The following MMP26 variants were observed in gnomAD, a reference collection of about 807,000 sequenced individuals.
The protein encoded by MMP26 is matrix metallopeptidase 26, also known as matrix metalloproteinase-26.
Under a neutral mutation model 31.0 loss-of-function variants are expected in MMP26, and 33 were observed. That is an observed-to-expected ratio of 1.06 (90% CI 0.81 to 1.42). The LOEUF (loss-of-function observed/expected upper bound fraction) is 1.42, where lower values mean the gene tolerates loss of function less well. Ranked by LOEUF, MMP26 falls within the 40% of genes most tolerant of loss-of-function variation. MMP26 has a pLI of 0.00. For synonymous variants in MMP26, 122 were observed against 114.9 expected (o/e 1.06, Z -0.40); for missense variants, 347 against 316.1 (o/e 1.10, Z -0.74).
At chr11:4,766,090 C>T (rs1293724313) in intron 1 of MMP26, among the ~76,000 whole-genome samples, 2 of 152,208 alleles carry the variant, frequency 1.3e-5, no homozygotes, top group Non-Finnish European at 2.9e-5. Context: ...CCTTGATCAA[C>T]CATTCTCACT....
rs548701614 is a variant in MMP26 at position 4,784,223 on chromosome 11, C to A, written c.-145+16882C>A. 2.0e-5 allele frequency among the ~76,000 whole-genome samples: 3 copies of A among 152,294 alleles called. No individual in the cohort carries two copies. In the East Asian group the frequency reaches 5.8e-4, roughly 29 times the overall value. On this transcript the variant is annotated intron_variant, in intron 2 of 7. Coordinates refer to ENST00000380390, the MANE Select transcript of MMP26 (RefSeq NM_021801.5). The stretch of plus-strand genomic sequence containing the variant: ...ATTTCAGCTGGGGCAGTGATCAGAA[C>A]ACATACATGTGGCTTTTCCATGACA...
At chr11:4,948,712 A>C (rs1846343833) in intron 2 of MMP26, among the ~76,000 whole-genome samples, 1 of 124,268 alleles carries the variant, frequency 8.0e-6, no homozygotes, top group Admixed American at 9.0e-5. Context: ...ATTAGTAAAT[A>C]GTCATTGGAA....
intron 1 of MMP26, among the ~76,000 whole-genome samples, chr11:4,738,734 A>G (rs1316461682): frequency 6.6e-6 from 1 of 152,024 alleles, no homozygotes; most frequent in African/African-American, 2.4e-5. Context: ...ATTTTTTGTC[A>G]CTTTTTTCTC....
intron 2 of MMP26, among the ~76,000 whole-genome samples, chr11:4,890,799 A>C (rs1284979953): frequency 6.6e-6 from 1 of 151,990 alleles, no homozygotes; most frequent in African/African-American, 2.4e-5. Flanking sequence ...GGGAACCAGA[A>C]ATATGGGTAC....
intron 2 of MMP26, chr11:4,946,391 T>G: frequency 6.2e-7 from 1 of 1,613,524 alleles, no homozygotes; most frequent in Non-Finnish European, 8.5e-7. Flanking sequence ...ATTGAGAGCC[T>G]TAAGCTGCTC....
intron 2 of MMP26, chr11:4,882,320 A>G: frequency 6.2e-7 from 1 of 1,613,962 alleles, no homozygotes; most frequent in East Asian, 2.2e-5. Flanking sequence ...CCTCACAGAC[A>G]GGATGGTCCT....
intron 2 of MMP26, chr11:4,943,581 C>G (rs148009587): frequency 1.0e-4 from 44 of 422,858 alleles, no homozygotes; most frequent in African/African-American, 9.0e-4. Flanking sequence ...GTAGCGTCTC[C>G]GGCCTCTAAT....
chr11:4,724,015 C>A (rs1371387381), intron 1 of MMP26: 3 of 696,744 alleles, frequency 4.3e-6, no homozygotes, highest in East Asian at 2.5e-5. Context: ...CCCACCATAA[C>A]CTCCACCCAG....
intron 2 of MMP26, among the ~76,000 whole-genome samples, chr11:4,891,324 C>T (rs887221165): frequency 6.6e-6 from 1 of 152,004 alleles, no homozygotes; most frequent in Non-Finnish European, 1.5e-5. Context: ...ACAGGCATGT[C>T]ACATGGCAAA....
intron 2 of MMP26, among the ~76,000 whole-genome samples, chr11:4,897,935 TTAAA>T (rs1233119768): frequency 6.8e-6 from 1 of 148,100 alleles, no homozygotes; most frequent in Non-Finnish European, 1.5e-5. Flanking sequence ...TAAATAAAAA[TTAAA>T]TAATAAATAT....
intron 2 of MMP26, among the ~76,000 whole-genome samples, chr11:4,878,648 C>T (rs149819278): frequency 1.3e-3 from 191 of 152,226 alleles, no homozygotes; most frequent in Non-Finnish European, 2.3e-3. Context: ...CATATGGTGA[C>T]ACTTAATATA....
rs139709326 is a variant in MMP26, at chr11:4,915,075, T to G, written c.-144-72993T>G. The G allele has an allele frequency of 5.0e-5, 81 of 1,613,792 alleles. No homozygotes were observed. The African/African-American group carries it at 1.0e-3, about 21-fold the overall frequency. ...ATGCCGTAGATGCTGTTGGCCTTCA[T>G]GTCGGCACAGGCCAATTTCATCACT... On this transcript the variant is annotated intron_variant, in intron 2 of 7. Coordinates refer to ENST00000380390, the MANE Select transcript of MMP26 (RefSeq NM_021801.5).
chr11:4,715,489 T>G (rs1036032363), intron 1 of MMP26, among the ~76,000 whole-genome samples: 4 of 152,178 alleles, frequency 2.6e-5, no homozygotes, highest in Admixed American at 6.6e-5. Flanking sequence ...TCTAAAATTT[T>G]TTGTCTTATT....
chr11:4,905,413 A>G lies in MMP26; in HGVS notation c.-144-82655A>G, dbSNP rs986216640. Among the ~76,000 whole-genome samples the G allele has an allele frequency of 4.6e-5, 7 of 152,236 alleles. No individual in the cohort carries two copies. In the East Asian group the frequency reaches 1.4e-3, roughly 29 times the overall value. On this transcript the variant is annotated intron_variant, in intron 2 of 7. Coordinates refer to ENST00000380390, the MANE Select transcript of MMP26 (RefSeq NM_021801.5). ...GGCCCAAGGCTGCTTGTTATTTACT[A>G]TGTACTTTTTTCAATTATCCTCTAA... is the stretch of plus-strand genomic sequence containing the variant.
chr11:4,723,036 G>C, intron 1 of MMP26: 2 of 1,050,136 alleles, frequency 1.9e-6, no homozygotes, highest in Non-Finnish European at 1.5e-6. Context: ...TCGATATCCA[G>C]GGCCAGTTTG....
intron 2 of MMP26, chr11:4,923,392 C>G (rs748632000): frequency 8.3e-6 from 13 of 1,560,440 alleles, no homozygotes; most frequent in Non-Finnish European, 1.1e-5. Flanking sequence ...TCCAAAAACA[C>G]CTAAGTGACT....
chr11:4,918,256 T>C (rs1410070562), intron 2 of MMP26, among the ~76,000 whole-genome samples: 2 of 152,076 alleles, frequency 1.3e-5, no homozygotes, highest in Non-Finnish European at 2.9e-5. Flanking sequence ...TGGAAAAATT[T>C]TGGTTAACGA....
At chr11:4,821,848 A>G in intron 2 of MMP26, 1 of 1,613,710 alleles carries the variant, frequency 6.2e-7, no homozygotes, top group African/African-American at 1.3e-5. Context: ...CAATGCCCGA[A>G]TTGCCAAGAT....
chr11:4,717,760 G>C (rs1847954453), intron 1 of MMP26, among the ~76,000 whole-genome samples: 1 of 152,102 alleles, frequency 6.6e-6, no homozygotes, highest in Admixed American at 6.5e-5. Context: ...TGTTACTTTA[G>C]AGATGGGGAA....
Sources: allele counts gnomAD v4.1 joint callset (sites outside exome capture counted in the v4.1 genomes callset), GRCh38; gene constraint gnomAD v4.1.1; transcripts MANE v1.5; gene names NCBI Gene and HGNC (gene_info 2026-07-23, HGNC 2026-07-21).